Variants in CCDC30 observed in about 807,000 individuals in gnomAD.
CCDC30 encodes coiled-coil domain containing 30, also known as coiled-coil domain-containing protein 30.
CCDC30 carries 70 observed loss-of-function variants against 100.2 expected under a neutral mutation model. The ratio of observed to expected loss-of-function variants is 0.70; its 90% CI spans 0.58 to 0.85. The LOEUF is 0.85. Among genes scored for constraint, CCDC30 ranks in the 40% least tolerant of loss-of-function variants. The pLI, the probability that CCDC30 is intolerant of heterozygous loss-of-function variation, is 0.00. For missense variants in CCDC30, 652 were observed against 771.2 expected, an observed-to-expected ratio of 0.85 and a Z score of 1.83; for synonymous variants, 233 against 269.5, an observed-to-expected ratio of 0.86 and a Z score of 1.33.
intron 6 of CCDC30, among the ~76,000 whole-genome samples, chr1:42,546,924 A>C (rs16829643): frequency 6.6e-6 from 1 of 152,168 alleles, no homozygotes; most frequent in Non-Finnish European, 1.5e-5. Context: ...CAATTTTGAC[A>C]TATACCATAC....
At chr1:42,581,623 C>A in intron 9 of CCDC30, 109 bp downstream of exon 13, 2 of 976,642 alleles carry the variant, frequency 2.0e-6, no homozygotes, top group Non-Finnish European at 3.0e-6. Flanking sequence ...GCTCTGTCCC[C>A]ACTGAAGTAA....
At chr1:42,540,650 T>TACACAC (rs201629692) in intron 6 of CCDC30, among the ~76,000 whole-genome samples, 2 of 148,204 alleles carry the variant, frequency 1.3e-5, no homozygotes, top group Non-Finnish European at 3.0e-5. Flanking sequence ...TCTTTCCCTC[T>TACACAC]ACACACACAC....
At chr1:42,537,432 C>G (rs917238845) in intron 6 of CCDC30, 1 of 361,418 alleles carries the variant, frequency 2.8e-6, no homozygotes, top group Non-Finnish European at 5.4e-6. Flanking sequence ...ATCATTTACC[C>G]TCTTCCTGTG....
chr1:42,654,782 C>T (rs908379684), downstream of CCDC30: 7 of 150,822 alleles, frequency 4.6e-5, no homozygotes, highest in Admixed American at 1.3e-4. Flanking sequence ...GCATGATCTC[C>T]GCTCACTGCA....
chr1:42,470,479 T>C (rs1323897226), intron 1 of CCDC30, among the ~76,000 whole-genome samples: 2 of 152,116 alleles, frequency 1.3e-5, no homozygotes, highest in Non-Finnish European at 2.9e-5. Context: ...CCCCAAAGAA[T>C]TGAAAACAGG....
chr1:42,579,023 G>A (rs566877500), intron 8 of CCDC30, among the ~76,000 whole-genome samples: 5 of 151,840 alleles, frequency 3.3e-5, no homozygotes, highest in African/African-American at 7.3e-5. Flanking sequence ...ACAGAGTCTC[G>A]CTCTGTCACC....
chr1:42,543,880 A>G (rs1008578321), intron 6 of CCDC30, among the ~76,000 whole-genome samples: 3 of 152,240 alleles, frequency 2.0e-5, no homozygotes, highest in Non-Finnish European at 4.4e-5. Flanking sequence ...GGGATCTCTT[A>G]AAGTAAACTT....
intron 6 of CCDC30, among the ~76,000 whole-genome samples, chr1:42,506,369 A>G (rs1022908741): frequency 4.6e-5 from 7 of 152,160 alleles, no homozygotes; most frequent in Admixed American, 4.6e-4. Context: ...TTGATTATAA[A>G]CTATCTTTTG....
At chr1:42,546,617 C>T (rs1268213425) in intron 6 of CCDC30, among the ~76,000 whole-genome samples, 2 of 151,366 alleles carry the variant, frequency 1.3e-5, no homozygotes, top group Non-Finnish European at 2.9e-5. Flanking sequence ...TATATTTTTA[C>T]ATAATTATGA....
At chr1:42,634,628 T>C (rs1647113187) in intron 11 of CCDC30, among the ~76,000 whole-genome samples, 1 of 152,236 alleles carries the variant, frequency 6.6e-6, no homozygotes, top group African/African-American at 2.4e-5. Context: ...TTGTTTACTC[T>C]GATTAGATAT....
intron 10 of CCDC30, chr1:42,593,198 C>G (rs1646222365): frequency 6.6e-6 from 1 of 152,226 alleles, no homozygotes; most frequent in Non-Finnish European, 1.5e-5. Flanking sequence ...GCTTATGCTT[C>G]TGACCAACCA....
chr1:42,481,354 T>C lies in CCDC30; in HGVS notation c.15+788T>C, dbSNP rs140118293. Among the ~76,000 whole-genome samples the C allele has an allele frequency of 5.4e-3, 827 of 152,138 alleles. 1 individual carries two copies. Among genetic ancestry groups the C allele is most frequent in the Non-Finnish European group, 9.4e-3 (642 of 67,992 alleles). On this transcript the variant is annotated intron_variant, in intron 2 of 16. Coordinates refer to ENST00000668663, the Ensembl canonical transcript of CCDC30. ...ACTTTGGGAGGCCAAGGCAGACAGATCGCCTGAGGTCAGGAGTTCAAGACC... is the reference window on the plus strand; with the variant it reads ...ACTTTGGGAGGCCAAGGCAGACAGACCGCCTGAGGTCAGGAGTTCAAGACC...
intron 9 of CCDC30, among the ~76,000 whole-genome samples, chr1:42,588,627 G>A (rs1402784146): frequency 6.6e-6 from 1 of 152,192 alleles, no homozygotes; most frequent in Non-Finnish European, 1.5e-5. Context: ...AAGGTCTGTG[G>A]AGGTGTTGTT....
intron 10 of CCDC30, among the ~76,000 whole-genome samples, chr1:42,600,464 T>C (rs1646381900): frequency 6.6e-6 from 1 of 152,176 alleles, no homozygotes; most frequent in African/African-American, 2.4e-5. Context: ...TGGATATCTA[T>C]AGACTACTTC....
At chr1:42,642,473 G>C in exon 13 of CCDC30, 1 of 1,553,724 alleles carries the variant, frequency 6.4e-7, no homozygotes, top group Non-Finnish European at 8.7e-7. Flanking sequence ...TAATCCCTAG[G>C]AGAAGGCAAT....
At chr1:42,642,111 A>G (rs1647484110) in intron 12 of CCDC30, among the ~76,000 whole-genome samples, 1 of 152,024 alleles carries the variant, frequency 6.6e-6, no homozygotes, top group Non-Finnish European at 1.5e-5. Flanking sequence ...CTGTAGTCCC[A>G]GCTACTTGGG....
intron 6 of CCDC30, among the ~76,000 whole-genome samples, chr1:42,516,207 G>C (rs989274445): frequency 6.6e-6 from 1 of 152,106 alleles, no homozygotes; most frequent in African/African-American, 2.4e-5. Flanking sequence ...GCCAACATTT[G>C]TTGTTGTCTG....
At chr1:42,525,379 A>G (rs1644708435) in intron 6 of CCDC30, among the ~76,000 whole-genome samples, 1 of 151,468 alleles carries the variant, frequency 6.6e-6, no homozygotes, top group African/African-American at 2.4e-5. Context: ...TTTCAAGTTC[A>G]CTCATTTTTT....
chr1:42,640,319 G>A (rs985501292), intron 12 of CCDC30, among the ~76,000 whole-genome samples: 1 of 152,082 alleles, frequency 6.6e-6, no homozygotes, highest in Non-Finnish European at 1.5e-5. Flanking sequence ...GCATGTGTCT[G>A]GAATTTTTGT....
Sources: gnomAD v4.1 joint callset for allele counts (sites outside exome capture counted in the v4.1 genomes callset) on GRCh38, gnomAD v4.1.1 for gene constraint, MANE v1.5 for transcripts, NCBI Gene and HGNC (gene_info 2026-07-23, HGNC 2026-07-21) for gene names.